DLGAP2: variants seen among roughly 807,000 people sequenced by gnomAD.
DLGAP2 encodes DLG associated protein 2.
In DLGAP2, 26 loss-of-function variants were observed where a neutral mutation model predicts 100.3. The ratio of observed to expected loss-of-function variants is 0.26; its 90% CI spans 0.19 to 0.36. The LOEUF is 0.36. Among genes scored for constraint, DLGAP2 ranks in the 10% least tolerant of loss-of-function variants. The pLI is 1.00. For synonymous variants in DLGAP2, 886 were observed against 630.1 expected, an observed-to-expected ratio of 1.41 and a Z score of -6.08; for missense variants, 1,858 against 1,453.2, an observed-to-expected ratio of 1.28 and a Z score of -4.53.
At chr8:1,331,122 C>A (rs1183008044) in intron 3 of DLGAP2, among the ~76,000 whole-genome samples, 2 of 152,222 alleles carry the variant, frequency 1.3e-5, no homozygotes, top group African/African-American at 2.4e-5. Flanking sequence ...TGCACGCTTT[C>A]TTTCATCTGT....
intron 2 of DLGAP2, among the ~76,000 whole-genome samples, chr8:945,295 C>G (rs908467934): frequency 2.6e-5 from 4 of 152,292 alleles, no homozygotes; most frequent in African/African-American, 9.6e-5. Context: ...GGGAGTGGAT[C>G]TATGCATCTC....
At chr8:1,501,236 G>A (rs909467364) in intron 3 of DLGAP2, 130 bp from the exon 4 acceptor site, 16 of 979,022 alleles carry the variant, frequency 1.6e-5, no homozygotes, top group Middle Eastern at 2.1e-4. Flanking sequence ...GAGCGGTGAC[G>A]TTTGAAGAAA....
intron 2 of DLGAP2, among the ~76,000 whole-genome samples, chr8:1,036,896 T>A (rs2129029194): frequency 6.6e-6 from 1 of 152,318 alleles, no homozygotes; most frequent in South Asian, 2.1e-4. Context: ...AGCTGCTTTT[T>A]TTAGGATACC....
intron 2 of DLGAP2, among the ~76,000 whole-genome samples, chr8:937,312 A>G (rs1455745807): frequency 6.6e-6 from 1 of 152,316 alleles, no homozygotes; most frequent in Middle Eastern, 3.4e-3. Flanking sequence ...CCATATTAAG[A>G]TCAAAACAAG....
chr8:1,376,900 C>A (rs907353587), intron 3 of DLGAP2, among the ~76,000 whole-genome samples: 1 of 152,202 alleles, frequency 6.6e-6, no homozygotes. Flanking sequence ...AGGCCCACAT[C>A]GAAGGATTTG....
intron 2 of DLGAP2, among the ~76,000 whole-genome samples, chr8:1,163,990 C>A (rs1049465429): frequency 1.3e-5 from 2 of 152,228 alleles, no homozygotes; most frequent in Non-Finnish European, 2.9e-5. Context: ...CTCTAAGACT[C>A]AGTGTTCAGG....
At chr8:853,553 C>T (rs1192456755) in intron 1 of DLGAP2, among the ~76,000 whole-genome samples, 3 of 152,106 alleles carry the variant, frequency 2.0e-5, no homozygotes, top group Non-Finnish European at 4.4e-5. Context: ...AAGCCCAGGG[C>T]CAGACTCACC....
intron 2 of DLGAP2, among the ~76,000 whole-genome samples, chr8:1,240,030 G>C (rs1309326417): frequency 1.4e-5 from 2 of 140,046 alleles, no homozygotes; most frequent in Non-Finnish European, 3.1e-5. Flanking sequence ...CTCACATGGC[G>C]CCGTGTCTAG....
At chr8:1,033,187 A>G (rs919125891) in intron 2 of DLGAP2, among the ~76,000 whole-genome samples, 4 of 151,550 alleles carry the variant, frequency 2.6e-5, no homozygotes, top group African/African-American at 9.7e-5. Flanking sequence ...GTGACTGATC[A>G]TGGCCATCAG....
intron 3 of DLGAP2, among the ~76,000 whole-genome samples, chr8:1,364,506 G>GGT (rs1554452285): frequency 1.3e-5 from 2 of 150,232 alleles, no homozygotes; most frequent in Non-Finnish European, 1.5e-5. Context: ...GAAGGGCGGG[G>GGT]GGGGTGCAGC....
chr8:784,042 C>T (rs537940825), intron 1 of DLGAP2, among the ~76,000 whole-genome samples: 10 of 152,276 alleles, frequency 6.6e-5, no homozygotes, highest in African/African-American at 2.2e-4. Context: ...GGTATTAATG[C>T]AATCTAAGTT....
intron 3 of DLGAP2, among the ~76,000 whole-genome samples, chr8:1,390,067 C>G (rs1267684044): frequency 1.3e-5 from 2 of 152,046 alleles, no homozygotes; most frequent in African/African-American, 2.4e-5. Context: ...AACAGGCTGA[C>G]ATTTCATCCG....
At chr8:940,481 G>T (rs1039459998) in intron 2 of DLGAP2, among the ~76,000 whole-genome samples, 1 of 152,108 alleles carries the variant, frequency 6.6e-6, no homozygotes, top group Non-Finnish European at 1.5e-5. Context: ...TGAAATGTGG[G>T]TGTGGACATC....
chr8:1,656,331 C>T (rs1227249473), intron 8 of DLGAP2, among the ~76,000 whole-genome samples: 2 of 151,850 alleles, frequency 1.3e-5, no homozygotes, highest in Non-Finnish European at 2.9e-5. Flanking sequence ...AAAGTTTGAG[C>T]CATTTGTTGT....
chr8:1,332,532 C>T (rs909079297), intron 3 of DLGAP2, among the ~76,000 whole-genome samples: 1 of 152,172 alleles, frequency 6.6e-6, no homozygotes, highest in African/African-American at 2.4e-5. Context: ...TCATTGTGCA[C>T]ACACTCCTAC....
chr8:1,095,363 C>T (rs1394844127), intron 2 of DLGAP2, among the ~76,000 whole-genome samples: 1 of 152,232 alleles, frequency 6.6e-6, no homozygotes, highest in Non-Finnish European at 1.5e-5. Flanking sequence ...AGGCTGGTCC[C>T]ACCCCTGTCC....
intron 3 of DLGAP2, among the ~76,000 whole-genome samples, chr8:1,324,580 A>G (rs377331011): frequency 6.6e-6 from 1 of 152,128 alleles, no homozygotes; most frequent in East Asian, 1.9e-4. Flanking sequence ...TCCATTCTCC[A>G]TAGGGTTTTC....
rs534651825 is a variant in DLGAP2 at position 1,382,690 on chromosome 8, C to T, written c.107-118676C>T. Among the ~76,000 whole-genome samples the T allele has an allele frequency of 7.2e-5, 11 of 152,156 alleles. No homozygotes were observed. In the South Asian group the frequency reaches 2.1e-3, roughly 29 times the overall value. Reference sequence around the variant, plus strand: ...CTGGGAGATGGAAGCGGCAGTGAGCCATGATCGTGCCGCTGCACTCCAGCC... The same window carrying T: ...CTGGGAGATGGAAGCGGCAGTGAGCTATGATCGTGCCGCTGCACTCCAGCC... On this transcript the variant is annotated intron_variant, in intron 3 of 14. Coordinates refer to ENST00000637795, the MANE Select transcript of DLGAP2 (RefSeq NM_001346810.2).
chr8:748,484 A>G (rs1192299805), intron 1 of DLGAP2, among the ~76,000 whole-genome samples: 1 of 152,102 alleles, frequency 6.6e-6, no homozygotes, highest in Non-Finnish European at 1.5e-5. Context: ...AGCATATCCC[A>G]CACTGTGACC....
Sources: gnomAD v4.1 joint callset for allele counts (sites outside exome capture counted in the v4.1 genomes callset) on GRCh38, gnomAD v4.1.1 for gene constraint, MANE v1.5 for transcripts, NCBI Gene and HGNC (gene_info 2026-07-23, HGNC 2026-07-21) for gene names.